Variants in DIS3L2 observed in about 807,000 individuals in gnomAD.
The protein encoded by DIS3L2 is DIS3 like 3'-5' exoribonuclease 2, also known as DIS3-like exonuclease 2.
A neutral mutation model predicts 97.5 loss-of-function variants in DIS3L2; 34 were observed. The ratio of observed to expected loss-of-function variants is 0.35; its 90% CI spans 0.27 to 0.46. The LOEUF is 0.46. DIS3L2 is among the 20% of genes least tolerant of loss of function. DIS3L2 has a pLI of 1.00. For synonymous variants in DIS3L2, 435 were observed against 445.2 expected (o/e 0.98, Z 0.29); for missense variants, 1,038 against 1,146.0 (o/e 0.91, Z 1.36).
chr2:232,227,614 A>G (rs1692684561), intron 10 of DIS3L2, among the ~76,000 whole-genome samples: 1 of 152,186 alleles, frequency 6.6e-6, no homozygotes, highest in Admixed American at 6.5e-5. Flanking sequence ...ATGCAAATAA[A>G]TTAATAAGTG....
At chr2:232,031,490 G>C (rs1694802559) in intron 5 of DIS3L2, among the ~76,000 whole-genome samples, 1 of 149,104 alleles carries the variant, frequency 6.7e-6, no homozygotes, top group African/African-American at 2.5e-5. Flanking sequence ...GTGAAGTGCA[G>C]GGTTTCTTTT....
chr2:232,285,555 C>T (rs1402572568), intron 13 of DIS3L2, among the ~76,000 whole-genome samples: 1 of 152,240 alleles, frequency 6.6e-6, no homozygotes, highest in African/African-American at 2.4e-5. Flanking sequence ...TTGCAACTTG[C>T]AGCCTCCAAC....
intron 14 of DIS3L2, among the ~76,000 whole-genome samples, chr2:232,327,263 A>G (rs149499215): frequency 3.9e-4 from 59 of 152,226 alleles, no homozygotes; most frequent in Admixed American, 7.2e-4. Flanking sequence ...GCTGCCCGCT[A>G]TGGGGTCATG....
intron 5 of DIS3L2, among the ~76,000 whole-genome samples, chr2:232,050,834 G>A (rs901086730): frequency 6.6e-6 from 1 of 152,204 alleles, no homozygotes; most frequent in Non-Finnish European, 1.5e-5. Flanking sequence ...CAGATGTGTA[G>A]ACAGAGAGCC....
chr2:232,070,069 T>C (rs543324949), intron 5 of DIS3L2, among the ~76,000 whole-genome samples: 45 of 152,304 alleles, frequency 3.0e-4, no homozygotes, highest in African/African-American at 7.7e-4. Context: ...CAACCACCCA[T>C]GTACAAGGTA....
chr2:232,169,024 A>G (rs1198779779), intron 9 of DIS3L2, among the ~76,000 whole-genome samples: 2 of 152,200 alleles, frequency 1.3e-5, no homozygotes, highest in African/African-American at 4.8e-5. Flanking sequence ...GTTTGGTGGC[A>G]GAAGAACATG....
At chr2:231,971,462 T>C (rs1692906219) in intron 1 of DIS3L2, among the ~76,000 whole-genome samples, 1 of 151,172 alleles carries the variant, frequency 6.6e-6, no homozygotes, top group Non-Finnish European at 1.5e-5. Flanking sequence ...GTTTGTTTGT[T>C]TTTTGAACGG....
chr2:232,280,760 C>T (rs971616104), intron 13 of DIS3L2, among the ~76,000 whole-genome samples: 3 of 152,206 alleles, frequency 2.0e-5, no homozygotes, highest in Non-Finnish European at 2.9e-5. Flanking sequence ...CCATACACTG[C>T]AGCCGAAGTG....
chr2:232,260,786 C>T (rs774330065), intron 12 of DIS3L2: 1 of 152,188 alleles, frequency 6.6e-6, no homozygotes, highest in Non-Finnish European at 1.5e-5. Context: ...AAAGTGGTCT[C>T]TCCAGCCTTT....
At chr2:232,196,846 G>C (rs183396672) in intron 9 of DIS3L2, among the ~76,000 whole-genome samples, 104 of 151,812 alleles carry the variant, frequency 6.9e-4, no homozygotes, top group African/African-American at 2.4e-3. Flanking sequence ...AATGTGTATA[G>C]CTTTTATAGA....
At chr2:232,317,593 C>T (rs1407318724) in intron 14 of DIS3L2, among the ~76,000 whole-genome samples, 3 of 152,008 alleles carry the variant, frequency 2.0e-5, no homozygotes, top group East Asian at 1.9e-4. Flanking sequence ...CCCTCCACCA[C>T]GCCTGGCTAA....
At chr2:232,016,742 C>T (rs573993523) in intron 3 of DIS3L2, among the ~76,000 whole-genome samples, 68 of 151,748 alleles carry the variant, frequency 4.5e-4, no homozygotes, top group Non-Finnish European at 7.8e-4. Context: ...TTTCATAATA[C>T]TTTCATTAGT....
chr2:231,987,036 G>A (rs1693432692), intron 1 of DIS3L2, among the ~76,000 whole-genome samples: 1 of 152,184 alleles, frequency 6.6e-6, no homozygotes, highest in South Asian at 2.1e-4. Flanking sequence ...TAGTTTAAAT[G>A]AAGTTTTAAG....
chr2:232,011,007 G>A (rs1439038452), intron 1 of DIS3L2, among the ~76,000 whole-genome samples: 1 of 152,234 alleles, frequency 6.6e-6, no homozygotes, highest in African/African-American at 2.4e-5. Context: ...TCACCCAGAA[G>A]CCTTCTTCAG....
chr2:232,085,613 G>C lies in DIS3L2; in HGVS notation c.367-1874G>C, dbSNP rs529886707. Among the ~76,000 whole-genome samples, 9 of 152,228 alleles carry C rather than the reference G, an allele frequency of 5.9e-5. No homozygotes were observed. The East Asian group carries it at 1.3e-3, about 23-fold the overall frequency. Reference sequence around the variant, plus strand: ...TTATTAAAAAGGATGCAGTATTCAAGTAACATCCAAGAACCTACAAAATCT... The same window carrying C: ...TTATTAAAAAGGATGCAGTATTCAACTAACATCCAAGAACCTACAAAATCT... On this transcript the variant is annotated intron_variant, in intron 5 of 20. Coordinates refer to ENST00000325385, the MANE Select transcript of DIS3L2 (RefSeq NM_152383.5).
chr2:232,087,371 T>C, intron 5 of DIS3L2, 116 bp from the exon 6 acceptor site: 2 of 705,694 alleles, frequency 2.8e-6, no homozygotes, highest in Non-Finnish European at 4.7e-6. Flanking sequence ...ACTACATGAT[T>C]AGTGTCCAAT....
intron 1 of DIS3L2, chr2:231,978,756 G>T (rs1693168269): frequency 6.6e-6 from 1 of 152,230 alleles, no homozygotes; most frequent in African/African-American, 2.4e-5. Flanking sequence ...TCCTCAAATA[G>T]GTGTGGCCCA....
chr2:232,245,874 G>GT (rs898619943), intron 11 of DIS3L2, among the ~76,000 whole-genome samples: 4 of 151,992 alleles, frequency 2.6e-5, no homozygotes, highest in Admixed American at 6.6e-5. Context: ...TGTTTATGAA[G>GT]TTTTTTTTGT....
downstream of DIS3L2, among the ~76,000 whole-genome samples, chr2:232,338,093 G>A (rs1005821087): frequency 3.3e-5 from 5 of 152,186 alleles, no homozygotes; most frequent in East Asian, 9.7e-4. Flanking sequence ...AGGCTGTGGG[G>A]TGCTGCCCCA....
Sources: allele counts gnomAD v4.1 joint callset (sites outside exome capture counted in the v4.1 genomes callset), GRCh38; gene constraint gnomAD v4.1.1; transcripts MANE v1.5; gene names NCBI Gene and HGNC (gene_info 2026-07-23, HGNC 2026-07-21).